Variants in CSF3 observed in about 807,000 individuals in gnomAD.
CSF3 encodes the protein granulocyte colony-stimulating factor.
A neutral mutation model predicts 20.2 loss-of-function variants in CSF3; 17 were observed. That is an observed-to-expected ratio of 0.84 (90% CI 0.58 to 1.26). CSF3 has a LOEUF of 1.26. Ranked by LOEUF, CSF3 falls within the 50% of genes most tolerant of loss-of-function variation. CSF3 has a pLI of 0.00. For missense variants in CSF3, 210 were observed against 256.0 expected (o/e 0.82, Z 1.23); for synonymous variants, 125 against 115.3 (o/e 1.08, Z -0.54).
rs9282660 is a variant in CSF3, at chr17:40,016,848, G to A, written c.504G>A (p.Pro168=). The part of the protein sequence containing the change: ...PALQPTQGAM[P]AFASAFQRRA... ...TGCAGCCCACCCAGGGTGCCATGCC[G>A]GCCTTCGCCTCTGCTTTCCAGCGCC... Residue 168 remains proline (P), a synonymous_variant, in exon 5 of 5, where the codon CCG becomes CCA. Transcript: ENST00000394149. 1.3e-5 allele frequency: 21 copies of A among 1,613,394 alleles called. No homozygotes were observed. The highest frequency in any genetic ancestry group is 6.7e-5 in the East Asian group (3 of 44,872).
rs1007305145 is a variant in CSF3, at chr17:40,017,236, C to A, written c.*277C>A. 1.4e-5 allele frequency: 4 copies of A among 285,198 alleles called. No individual in the cohort carries two copies. Among genetic ancestry groups the A allele is most frequent in the Non-Finnish European group, 2.6e-5 (4 of 154,292 alleles). 17.7% of individuals were successfully genotyped at this position (285,198 alleles called of 1,614,324 possible). On this transcript the variant is annotated 3_prime_UTR_variant, in exon 5 of 5. Coordinates refer to ENST00000394149, the MANE Select transcript of CSF3 (RefSeq NM_172219.3). ...GGGCACTGGGATGAGCCGCTGTGAG[C>A]CCCTGGTCCTGAGGGTCCCCACCTG...
At position 40,017,053 on chromosome 17, in the gene CSF3, C is replaced by A; in HGVS notation, c.*94C>A. Reference sequence around the variant, plus strand: ...AAGACAGGGAAGAGCAGAACGGAGCCCCAGGCCTCTGTGTCCTTCCCTGCA... The same window carrying A: ...AAGACAGGGAAGAGCAGAACGGAGCACCAGGCCTCTGTGTCCTTCCCTGCA... On this transcript the variant is annotated 3_prime_UTR_variant, in exon 5 of 5. Coordinates refer to ENST00000394149, the MANE Select transcript of CSF3 (RefSeq NM_172219.3). 8.0e-7 allele frequency: 1 copy of A among 1,243,844 alleles called. No individual in the cohort carries two copies. The highest frequency in any genetic ancestry group is 1.1e-6 in the Non-Finnish European group (1 of 926,824). The allele number at this position is 1,243,844 out of a possible 1,614,324, so 77.1% of individuals were successfully genotyped here.
At chr17:40,015,556 C>T (rs1319932775) in intron 1 of CSF3, 42 bp downstream of exon 1, 2 of 1,550,226 alleles carry the variant, frequency 1.3e-6, no homozygotes, top group Admixed American at 2.0e-5. Context: ...CCTGCCCTGG[C>T]ATGGGAGGGA....
intron 2 of CSF3, 91 bp from the exon 3 acceptor site, chr17:40,016,138 TGGAG>T (rs1981367704): frequency 2.0e-6 from 2 of 1,006,798 alleles, no homozygotes; most frequent in African/African-American, 1.6e-5. Context: ...TGGCAGGACA[TGGAG>T]GGAGGGGAAA....
Position 40,015,510 on chromosome 17 carries a change from G to A in CSF3, c.36G>A (p.Leu12=), listed in dbSNP as rs1197846684. The A allele has an allele frequency of 6.4e-6, 10 of 1,551,230 alleles. No homozygotes were observed. The highest frequency in any genetic ancestry group is 8.7e-6 in the Non-Finnish European group (10 of 1,146,984). The part of the protein sequence containing the change: ...AGPATQSPMK[L]MALQLLLWHS... ...CTGCCACCCAGAGCCCCATGAAGCT[G>A]ATGGGTGAGTGTCTTGGCCCAGGAT... The change falls in exon 1 of 5, where the codon CTG becomes CTA. Residue 12 remains leucine (L), a synonymous_variant. Transcript: ENST00000394149.
At chr17:40,016,117 A>C in intron 2 of CSF3, 116 bp from the exon 3 acceptor site, 1 of 898,736 alleles carries the variant, frequency 1.1e-6, no homozygotes, top group Non-Finnish European at 1.7e-6. Flanking sequence ...GCAGAGAGGA[A>C]CTGAACAGCC....
At position 40,016,632 on chromosome 17, in the gene CSF3, G is replaced by A. The variant is rs1361382919; in HGVS notation, c.450+1G>A. The stretch of plus-strand genomic sequence containing the variant: ...CTTTGCCACCACCATCTGGCAGCAG[G>A]TGAGCCTTGTTGGGCAGGGTGGCCA... On this transcript the variant is annotated splice_donor_variant, in intron 4 of 4. Transcript: ENST00000394149. LOFTEE classifies it high-confidence loss of function. 1.2e-6 allele frequency: 2 copies of A among 1,614,072 alleles called. No individual in the cohort carries two copies. The highest frequency in any genetic ancestry group is 1.7e-6 in the Non-Finnish European group (2 of 1,180,014).
chr17:40,015,482 G>C lies in CSF3; in HGVS notation c.8G>C (p.Gly3Ala). ...CCAGCCCCACCCAGACCCATGGCTG[G>C]ACCTGCCACCCAGAGCCCCATGAAG... is the stretch of plus-strand genomic sequence containing the variant. MA[G>A]PATQSPMKLM... Residue 3 changes from glycine to alanine, a missense_variant, in exon 1 of 5, where the codon GGA becomes GCA. Transcript: ENST00000394149. The C allele has an allele frequency of 6.4e-7, 1 of 1,551,480 alleles. No individual in the cohort carries two copies. The highest frequency in any genetic ancestry group is 8.7e-7 in the Non-Finnish European group (1 of 1,146,976).
At position 40,016,477 on chromosome 17, in the gene CSF3, T is replaced by A; in HGVS notation, c.304-8T>A. ...AGCACCCCCTAACTCTTCCGCTCTG[T>A]CTCACAGGCAGGCTGCTTGAGCCAA... On this transcript the variant is annotated splice_polypyrimidine_tract_variant and splice_region_variant and intron_variant, in intron 3 of 4. Transcript: ENST00000394149. The A allele has an allele frequency of 6.2e-7, 1 of 1,614,078 alleles. No individual in the cohort carries two copies. The highest frequency in any genetic ancestry group is 8.5e-7 in the Non-Finnish European group (1 of 1,179,972).
Position 40,016,278 on chromosome 17 carries a change from G to A in CSF3, c.241G>A (p.Gly81Arg), listed in dbSNP as rs757845157. 1.5e-5 allele frequency: 24 copies of A among 1,588,240 alleles called. No homozygotes were observed. Among genetic ancestry groups the A allele is most frequent in the Middle Eastern group, 1.9e-4 (1 of 5,264 alleles). ...CCACCCCGAGGAGCTGGTGCTGCTC[G>A]GACACTCTCTGGGCATCCCCTGGGC... ...LCHPEELVLLGHSLGIPWAPL... is the reference protein window; with the variant it reads ...LCHPEELVLLRHSLGIPWAPL... The change falls in exon 3 of 5, where the codon GGA becomes AGA. Residue 81 changes from glycine (G) to arginine (R), a missense_variant. Transcript: ENST00000394149.
Position 40,015,842 on chromosome 17 carries a change from G to A in CSF3, c.192G>A (p.Lys64=). The change falls in exon 2 of 5, where the codon AAG becomes AAA. Residue 64 remains lysine (K), a synonymous_variant. Coordinates refer to ENST00000394149, the MANE Select transcript of CSF3 (RefSeq NM_172219.3). Reference sequence around the variant, plus strand: ...GCGATGGCGCAGCGCTCCAGGAGAAGCTGGTGAGTGAGGTGGGTGAGAGGG... The same window carrying A: ...GCGATGGCGCAGCGCTCCAGGAGAAACTGGTGAGTGAGGTGGGTGAGAGGG... The part of the protein sequence containing the change: ...IQGDGAALQE[K]LCATYKLCHP... 1.9e-6 allele frequency: 3 copies of A among 1,604,980 alleles called. No individual in the cohort carries two copies. The highest frequency in any genetic ancestry group is 2.6e-6 in the Non-Finnish European group (3 of 1,173,512).
rs1347714392 is a variant in CSF3, at chr17:40,015,496, A to G, written c.22A>G (p.Ser8Gly). Residue 8 changes from serine to glycine, a missense_variant, in exon 1 of 5, where the codon AGC becomes GGC. Ser to Gly is a moderately conservative substitution (Grantham distance 56). Coordinates refer to ENST00000394149, the MANE Select transcript of CSF3 (RefSeq NM_172219.3). The stretch of plus-strand genomic sequence containing the variant: ...ACCCATGGCTGGACCTGCCACCCAG[A>G]GCCCCATGAAGCTGATGGGTGAGTG... Reference protein sequence around the residue: MAGPATQSPMKLMALQLL... With the variant: MAGPATQGPMKLMALQLL... The G allele has an allele frequency of 6.4e-7, 1 of 1,551,244 alleles. No individual in the cohort carries two copies. The highest frequency in any genetic ancestry group is 8.7e-7 in the Non-Finnish European group (1 of 1,146,992).
chr17:40,016,146 G>A, intron 2 of CSF3, 87 bp from the exon 3 acceptor site: 3 of 1,065,180 alleles, frequency 2.8e-6, no homozygotes, highest in Non-Finnish European at 4.1e-6. Context: ...CATGGAGGGA[G>A]GGGAAAGACC....
Position 40,016,472 on chromosome 17 carries a change from CTCTG to C in CSF3, c.304-9_304-6del. 1 of 1,614,084 alleles carries C rather than the reference CTCTG, an allele frequency of 6.2e-7. No individual in the cohort carries two copies. The highest frequency in any genetic ancestry group is 1.3e-5 in the African/African-American group (1 of 75,062). ...CAGGCAGCACCCCCTAACTCTTCCG[CTCTG>C]TCTCACAGGCAGGCTGCTTGAGCCA... On this transcript the variant is annotated splice_polypyrimidine_tract_variant and intron_variant, in intron 3 of 4. Transcript: ENST00000394149.
At position 40,016,213 on chromosome 17, in the gene CSF3, C is replaced by T; in HGVS notation, c.196-20C>T. 1.3e-6 allele frequency: 2 copies of T among 1,516,974 alleles called. No individual in the cohort carries two copies. The allele number at this position is 1,516,974 out of a possible 1,614,324, so 94.0% of individuals were successfully genotyped here. A position where few individuals can be genotyped will look rare whatever the true frequency, so the allele number is the denominator to read the frequency against. ...CGACCCGGCCATGGCGAGTCTCACTCAGCATCCTTCCATCCCCAGTGTGCC... is the reference window on the plus strand; with the variant it reads ...CGACCCGGCCATGGCGAGTCTCACTTAGCATCCTTCCATCCCCAGTGTGCC... On this transcript the variant is annotated intron_variant, in intron 2 of 4. Coordinates refer to ENST00000394149, the MANE Select transcript of CSF3 (RefSeq NM_172219.3).
chr17:40,016,475 T>C lies in CSF3; in HGVS notation c.304-10T>C. 6.2e-7 allele frequency: 1 copy of C among 1,614,098 alleles called. No individual in the cohort carries two copies. Among genetic ancestry groups the C allele is most frequent in the Non-Finnish European group, 8.5e-7 (1 of 1,179,958 alleles). ...GCAGCACCCCCTAACTCTTCCGCTC[T>C]GTCTCACAGGCAGGCTGCTTGAGCC... On this transcript the variant is annotated splice_polypyrimidine_tract_variant and intron_variant, in intron 3 of 4. Coordinates refer to ENST00000394149, the MANE Select transcript of CSF3 (RefSeq NM_172219.3).
At position 40,016,742 on chromosome 17, in the gene CSF3, T is replaced by C. The variant is rs985954147; in HGVS notation, c.451-53T>C. 20 of 1,612,718 alleles carry C rather than the reference T, an allele frequency of 1.2e-5. No homozygotes were observed. The Admixed American group carries it at 3.3e-4, about 27-fold the overall frequency. ...GTCACCCCCAGCATTTCCTCATTTG[T>C]AATAACGCCCACTCAGAAGGGCCCA... On this transcript the variant is annotated intron_variant, in intron 4 of 4. Transcript: ENST00000394149.
rs1981424819 is a variant in CSF3, at chr17:40,016,840, G to A, written c.496G>A (p.Ala166Thr). 1 of 1,613,342 alleles carries A rather than the reference G, an allele frequency of 6.2e-7. No homozygotes were observed. Among genetic ancestry groups the A allele is most frequent in the Non-Finnish European group, 8.5e-7 (1 of 1,180,020 alleles). ...MAPALQPTQG[A>T]MPAFASAFQR... ...CCCTGCCCTGCAGCCCACCCAGGGT[G>A]CCATGCCGGCCTTCGCCTCTGCTTT... is the stretch of plus-strand genomic sequence containing the variant. The change falls in exon 5 of 5, where the codon GCC becomes ACC. Residue 166 changes from alanine to threonine, a missense_variant. By Grantham distance (58) the Ala-to-Thr change is moderately conservative. Transcript: ENST00000394149.
rs1382011778 is a variant in CSF3, at chr17:40,016,873, C to T, written c.529C>T (p.Arg177Trp). The change falls in exon 5 of 5, where the codon CGG becomes TGG. Residue 177 changes from arginine (R) to tryptophan (W), a missense_variant. Arg to Trp is a moderately radical substitution (Grantham distance 101). Transcript: ENST00000394149. Reference sequence around the variant, plus strand: ...GGCCTTCGCCTCTGCTTTCCAGCGCCGGGCAGGAGGGGTCCTGGTTGCCTC... The same window carrying T: ...GGCCTTCGCCTCTGCTTTCCAGCGCTGGGCAGGAGGGGTCCTGGTTGCCTC... ...MPAFASAFQR[R>W]AGGVLVASHL... 12 of 1,613,464 alleles carry T rather than the reference C, an allele frequency of 7.4e-6. No individual in the cohort carries two copies. Among genetic ancestry groups the T allele is most frequent in the Middle Eastern group, 1.8e-4 (1 of 5,700 alleles).
Sources: allele counts gnomAD v4.1 joint callset, GRCh38; gene constraint gnomAD v4.1.1; transcripts MANE v1.5; gene names NCBI Gene and HGNC (gene_info 2026-07-23, HGNC 2026-07-21).